RBFOX1: variants seen among roughly 807,000 people sequenced by gnomAD.
RBFOX1 encodes RNA binding protein fox-1 homolog 1.
In RBFOX1, 8 loss-of-function variants were observed where a neutral mutation model predicts 57.7. The ratio of observed to expected loss-of-function variants is 0.14; its 90% CI spans 0.08 to 0.25. The LOEUF (loss-of-function observed/expected upper bound fraction) is 0.25, where lower values mean the gene tolerates loss of function less well. Among genes scored for constraint, RBFOX1 ranks in the 10% least tolerant of loss-of-function variants. The pLI, the probability that RBFOX1 is intolerant of heterozygous loss-of-function variation, is 1.00. For missense variants in RBFOX1, 611 were observed against 548.5 expected, an observed-to-expected ratio of 1.11 and a Z score of -1.14; for synonymous variants, 326 against 222.4, an observed-to-expected ratio of 1.47 and a Z score of -4.15.
chr16:5,972,354 A>G (rs1044387487), intron 4 of RBFOX1, among the ~76,000 whole-genome samples: 2 of 152,226 alleles, frequency 1.3e-5, no homozygotes, highest in Non-Finnish European at 2.9e-5. Context: ...ACAGCTAGAC[A>G]GTGTCACTGA....
At chr16:6,542,481 G>GTTTTT (rs1567617665) in intron 2 of RBFOX1, among the ~76,000 whole-genome samples, 2 of 37,154 alleles carry the variant, frequency 5.4e-5, no homozygotes, top group African/African-American at 1.8e-4. Flanking sequence ...TGGGACCATA[G>GTTTTT]TCTTTTTTTT....
intron 2 of RBFOX1, among the ~76,000 whole-genome samples, chr16:6,478,388 AATAT>A (rs71406379): frequency 1.3e-3 from 52 of 41,506 alleles, no homozygotes; most frequent in East Asian, 2.2e-3. Context: ...ACACCCAGCT[AATAT>A]ATATATATAT....
intron 3 of RBFOX1, among the ~76,000 whole-genome samples, chr16:6,865,647 C>T (rs1012183061): frequency 1.1e-4 from 16 of 152,090 alleles, no homozygotes; most frequent in Admixed American, 2.6e-4. Flanking sequence ...TTCTTCATGA[C>T]GTGTGATGAC....
At chr16:7,638,784 A>T (rs2062228112) in intron 11 of RBFOX1, among the ~76,000 whole-genome samples, 1 of 151,984 alleles carries the variant, frequency 6.6e-6, no homozygotes, top group African/African-American at 2.4e-5. Context: ...TTCCAATAAA[A>T]CTTTATTTAC....
chr16:5,443,830 G>T (rs1479452368), intron 1 of RBFOX1, among the ~76,000 whole-genome samples: 2 of 152,132 alleles, frequency 1.3e-5, no homozygotes, highest in Non-Finnish European at 2.9e-5. Context: ...TAGAAGAATG[G>T]TCACCTATTT....
intron 14 of RBFOX1, among the ~76,000 whole-genome samples, chr16:7,693,781 G>C (rs1381527790): frequency 6.6e-6 from 1 of 152,088 alleles, no homozygotes; most frequent in African/African-American, 2.4e-5. Context: ...GATCTTTATG[G>C]AATATTAGAG....
chr16:7,147,788 G>A (rs369251861), intron 4 of RBFOX1, among the ~76,000 whole-genome samples: 21 of 152,262 alleles, frequency 1.4e-4, no homozygotes, highest in South Asian at 1.2e-3. Context: ...ATGTGAGTGC[G>A]TGTGTCTTTT....
intron 4 of RBFOX1, among the ~76,000 whole-genome samples, chr16:7,187,667 C>T (rs1391205252): frequency 9.4e-6 from 1 of 106,390 alleles, no homozygotes. Context: ...CCAGCCTGGG[C>T]AACAGAATGA....
intron 3 of RBFOX1, among the ~76,000 whole-genome samples, chr16:6,696,996 G>A (rs778962349): frequency 1.3e-5 from 2 of 152,130 alleles, no homozygotes; most frequent in Non-Finnish European, 2.9e-5. Flanking sequence ...AAAAGTGACT[G>A]CATTTAAAAA....
chr16:6,931,291 G>GTCTATCTA (rs1437093608), intron 3 of RBFOX1, among the ~76,000 whole-genome samples: 4 of 124,094 alleles, frequency 3.2e-5, no homozygotes, highest in East Asian at 4.9e-4. Flanking sequence ...CTGTCTGTCT[G>GTCTATCTA]TCTGTCTATC....
intron 4 of RBFOX1, among the ~76,000 whole-genome samples, chr16:7,062,471 T>C (rs2054670254): frequency 6.6e-6 from 1 of 151,870 alleles, no homozygotes; most frequent in Non-Finnish European, 1.5e-5. Context: ...GCTTCCTTGT[T>C]GTCTGCAGTA....
intron 9 of RBFOX1, among the ~76,000 whole-genome samples, chr16:7,602,673 C>T (rs1568040327): frequency 1.3e-5 from 2 of 152,048 alleles, no homozygotes; most frequent in South Asian, 4.2e-4. Context: ...TACATAAGCC[C>T]GCATGAGCTC....
intron 3 of RBFOX1, among the ~76,000 whole-genome samples, chr16:6,939,871 G>A (rs1320067273): frequency 6.6e-6 from 1 of 152,092 alleles, no homozygotes; most frequent in East Asian, 1.9e-4. Flanking sequence ...AAGGCTCTTT[G>A]TAATTTACTG....
chr16:5,736,435 A>T (rs1198866991), intron 3 of RBFOX1, among the ~76,000 whole-genome samples: 2 of 151,932 alleles, frequency 1.3e-5, no homozygotes, highest in African/African-American at 2.4e-5. Flanking sequence ...ACCCACGGCC[A>T]TATGGGGCTG....
chr16:6,042,407 TC>T (rs2095447209), intron 1 of RBFOX1, among the ~76,000 whole-genome samples: 1 of 152,154 alleles, frequency 6.6e-6, no homozygotes, highest in African/African-American at 2.4e-5. Flanking sequence ...CCCTTTCTCT[TC>T]CATTTCTAAG....
At chr16:7,113,792 G>A (rs765012188) in intron 4 of RBFOX1, among the ~76,000 whole-genome samples, 2 of 151,966 alleles carry the variant, frequency 1.3e-5, no homozygotes, top group Non-Finnish European at 2.9e-5. Flanking sequence ...TTGATGATGG[G>A]CATTAAAGTT....
intron 4 of RBFOX1, among the ~76,000 whole-genome samples, chr16:7,274,113 A>T (rs967103356): frequency 6.6e-6 from 1 of 152,202 alleles, no homozygotes. Flanking sequence ...CAGGAAACCA[A>T]TTGAGATATT....
intron 4 of RBFOX1, among the ~76,000 whole-genome samples, chr16:7,386,813 A>C (rs2148244216): frequency 6.6e-6 from 1 of 152,280 alleles, no homozygotes; most frequent in South Asian, 2.1e-4. Context: ...ACTGTCTTCC[A>C]CAATGGTTGA....
At chr16:6,086,698 A>T (rs764406109) in intron 1 of RBFOX1, among the ~76,000 whole-genome samples, 1 of 152,162 alleles carries the variant, frequency 6.6e-6, no homozygotes, top group Non-Finnish European at 1.5e-5. Context: ...TTTGAAGAAT[A>T]CCTTCTTTTG....
Sources: gnomAD v4.1 joint callset for allele counts (sites outside exome capture counted in the v4.1 genomes callset) on GRCh38, gnomAD v4.1.1 for gene constraint, MANE v1.5 for transcripts, NCBI Gene and HGNC (gene_info 2026-07-23, HGNC 2026-07-21) for gene names.